PEMT: variants seen among roughly 807,000 people sequenced by gnomAD.
PEMT encodes the protein phospholipid methyltransferase.
In PEMT, 23 loss-of-function variants were observed where a neutral mutation model predicts 27.4. The observed-to-expected ratio is 0.84, with a 90% CI of 0.60 to 1.19. The LOEUF is 1.19. Among genes scored for constraint, PEMT ranks in the 50% most tolerant of loss-of-function variants. PEMT has a pLI of 0.00. For missense variants in PEMT, 307 were observed against 310.1 expected, an observed-to-expected ratio of 0.99 and a Z score of 0.07; for synonymous variants, 137 against 139.1, an observed-to-expected ratio of 0.98 and a Z score of 0.11.
At chr17:17,587,730 C>T (rs185305037) in intron 1 of PEMT, among the ~76,000 whole-genome samples, 4 of 152,090 alleles carry the variant, frequency 2.6e-5, no homozygotes, top group East Asian at 1.9e-4. Flanking sequence ...AAACAAAAAC[C>T]AGGTGTGGTG....
At chr17:17,543,170 G>C (rs58080446) in intron 2 of PEMT, among the ~76,000 whole-genome samples, 2 of 152,182 alleles carry the variant, frequency 1.3e-5, no homozygotes, top group Non-Finnish European at 2.9e-5. Flanking sequence ...AAGCCACGTC[G>C]TGTCCTACAG....
At chr17:17,556,582 C>T (rs913452777) in intron 2 of PEMT, among the ~76,000 whole-genome samples, 2 of 152,108 alleles carry the variant, frequency 1.3e-5, no homozygotes, top group Non-Finnish European at 2.9e-5. Flanking sequence ...CCATGTTGGC[C>T]AGGCTGGTCT....
chr17:17,517,799 G>A (rs66465668), intron 3 of PEMT, among the ~76,000 whole-genome samples: 34 of 152,270 alleles, frequency 2.2e-4, no homozygotes, highest in South Asian at 4.1e-4. Context: ...AGTGGGGGCC[G>A]CCCTCTCCTG....
intron 3 of PEMT, among the ~76,000 whole-genome samples, chr17:17,515,798 G>C (rs1906780424): frequency 6.6e-6 from 1 of 152,196 alleles, no homozygotes; most frequent in African/African-American, 2.4e-5. Context: ...ATTTCCCTTG[G>C]AAGTATTCCG....
intron 2 of PEMT, among the ~76,000 whole-genome samples, chr17:17,541,137 G>A (rs947405131): frequency 1.3e-5 from 2 of 152,192 alleles, no homozygotes; most frequent in African/African-American, 4.8e-5. Flanking sequence ...GCTGACGTTA[G>A]CAGAATTGTG....
chr17:17,506,498 C>T (rs1280948161), intron 5 of PEMT, among the ~76,000 whole-genome samples, 197 bp from the exon 6 acceptor site: 1 of 152,222 alleles, frequency 6.6e-6, no homozygotes, highest in African/African-American at 2.4e-5. Flanking sequence ...CCCATGTTCT[C>T]GGTCCTGATC....
At chr17:17,525,631 C>T (rs1221629781) in intron 2 of PEMT, among the ~76,000 whole-genome samples, 1 of 152,200 alleles carries the variant, frequency 6.6e-6, no homozygotes, top group Admixed American at 6.5e-5. Context: ...GCCCAACACT[C>T]CGTGACCCTG....
At chr17:17,554,366 G>C (rs1056752704) in intron 2 of PEMT, among the ~76,000 whole-genome samples, 16 of 152,160 alleles carry the variant, frequency 1.1e-4, no homozygotes, top group Admixed American at 2.0e-4. Context: ...TCCTACTCTA[G>C]AGAGAGCTGT....
intron 2 of PEMT, among the ~76,000 whole-genome samples, chr17:17,538,444 AC>A (rs1908645381): frequency 6.6e-6 from 1 of 152,212 alleles, no homozygotes; most frequent in African/African-American, 2.4e-5. Context: ...AGTCCCAGCT[AC>A]TTGAGAGGCT....
intron 2 of PEMT, among the ~76,000 whole-genome samples, chr17:17,547,459 C>A (rs1255736944): frequency 1.3e-5 from 2 of 152,234 alleles, no homozygotes. Context: ...GAAAGAATAA[C>A]CTGGAGCGAG....
intron 2 of PEMT, among the ~76,000 whole-genome samples, chr17:17,532,872 C>T (rs1908197845): frequency 6.6e-6 from 1 of 152,150 alleles, no homozygotes. Flanking sequence ...ACTGAAAATA[C>T]AAAAATTAGC....
At chr17:17,509,574 G>A (rs780613886) in intron 4 of PEMT, 29 bp from the exon 5 acceptor site, 27 of 1,493,834 alleles carry the variant, frequency 1.8e-5, no homozygotes, top group African/African-American at 9.7e-5. Flanking sequence ...AGGGTCCCTC[G>A]GCTATTCATC....
intron 2 of PEMT, chr17:17,570,448 G>T: frequency 1.1e-6 from 1 of 906,320 alleles, no homozygotes; most frequent in South Asian, 5.0e-5. Context: ...CATCTAGTGG[G>T]CAGAGGCCGG....
At chr17:17,589,014 G>GCAA (rs1036923860) in intron 1 of PEMT, among the ~76,000 whole-genome samples, 1 of 152,258 alleles carries the variant, frequency 6.6e-6, no homozygotes, top group Non-Finnish European at 1.5e-5. Flanking sequence ...AGGCTGGAGT[G>GCAA]CAATGGCGTG....
chr17:17,546,425 C>T (rs1909266274), intron 2 of PEMT, among the ~76,000 whole-genome samples: 1 of 152,252 alleles, frequency 6.6e-6, no homozygotes, highest in African/African-American at 2.4e-5. Context: ...TTCTCCACCA[C>T]ATTTTCAGAA....
At chr17:17,506,779 C>T (rs1376056127) in intron 5 of PEMT, among the ~76,000 whole-genome samples, 1 of 152,220 alleles carries the variant, frequency 6.6e-6, no homozygotes, top group Non-Finnish European at 1.5e-5. Context: ...CACCCTGAGT[C>T]CCCAGCCCCT....
At chr17:17,507,030 G>A in intron 5 of PEMT, 2 of 795,028 alleles carry the variant, frequency 2.5e-6, no homozygotes, top group Non-Finnish European at 4.1e-6. Flanking sequence ...CTCTTTGCTG[G>A]TGACCAGCTC....
chr17:17,535,242 T>C (rs928548582), intron 2 of PEMT, among the ~76,000 whole-genome samples: 2 of 152,192 alleles, frequency 1.3e-5, no homozygotes, highest in Admixed American at 6.5e-5. Flanking sequence ...TTATTAATTT[T>C]GCTGAATGTT....
chr17:17,568,541 G>A (rs980258357), intron 2 of PEMT, among the ~76,000 whole-genome samples: 1 of 152,204 alleles, frequency 6.6e-6, no homozygotes, highest in Non-Finnish European at 1.5e-5. Flanking sequence ...CCTCAGCTGA[G>A]CGTCCTCACT....
Sources: allele counts gnomAD v4.1 joint callset (sites outside exome capture counted in the v4.1 genomes callset), GRCh38; gene constraint gnomAD v4.1.1; transcripts MANE v1.5; gene names NCBI Gene and HGNC (gene_info 2026-07-23, HGNC 2026-07-21).